The following PUM1 variants were observed in gnomAD, a reference collection of about 807,000 sequenced individuals.
PUM1 encodes pumilio homolog 1.
PUM1 carries 13 observed loss-of-function variants against 131.8 expected under a neutral mutation model. That is an observed-to-expected ratio of 0.10 (90% CI 0.06 to 0.16). The LOEUF (loss-of-function observed/expected upper bound fraction) is 0.16, where lower values mean the gene tolerates loss of function less well. Among genes scored for constraint, PUM1 ranks in the 10% least tolerant of loss-of-function variants. The probability of loss-of-function intolerance (pLI) is 1.00; values close to 1 mark genes in which losing one functional copy is unlikely to be tolerated. For missense variants in PUM1, 961 were observed against 1,512.4 expected (o/e 0.64, Z 6.05); for synonymous variants, 509 against 556.5 (o/e 0.91, Z 1.20).
At chr1:31,030,234 T>C (rs1643376645) in intron 2 of PUM1, among the ~76,000 whole-genome samples, 1 of 151,614 alleles carries the variant, frequency 6.6e-6, no homozygotes. Context: ...AAAAAAAAGA[T>C]GTAGGCTTTG....
chr1:31,014,463 G>A (rs1454113915), intron 3 of PUM1, among the ~76,000 whole-genome samples: 4 of 151,402 alleles, frequency 2.6e-5, no homozygotes, highest in Non-Finnish European at 5.9e-5. Flanking sequence ...AACATGCCAA[G>A]ACCCAATCTC....
chr1:31,048,862 T>C (rs1191915392), intron 2 of PUM1, among the ~76,000 whole-genome samples: 1 of 152,248 alleles, frequency 6.6e-6, no homozygotes, highest in East Asian at 1.9e-4. Context: ...TTTATTCCCA[T>C]AGTCACATCT....
chr1:31,005,085 T>C (rs1430564209), intron 5 of PUM1, among the ~76,000 whole-genome samples: 1 of 152,174 alleles, frequency 6.6e-6, no homozygotes, highest in Non-Finnish European at 1.5e-5. Context: ...GAATTCAAAA[T>C]GAGGAAGACT....
chr1:30,991,237 G>A (rs1641778165), intron 7 of PUM1, among the ~76,000 whole-genome samples: 1 of 152,114 alleles, frequency 6.6e-6, no homozygotes, highest in African/African-American at 2.4e-5. Context: ...ATATGGGGAG[G>A]CAGGCATACC....
At chr1:31,060,056 C>G (rs1644333197) in intron 1 of PUM1, among the ~76,000 whole-genome samples, 1 of 150,518 alleles carries the variant, frequency 6.6e-6, no homozygotes, top group African/African-American at 2.4e-5. Flanking sequence ...CCATGTTGGC[C>G]AGGCTGGTCT....
chr1:31,028,673 G>C, intron 3 of PUM1, 123 bp downstream of exon 3: 1 of 864,668 alleles, frequency 1.2e-6, no homozygotes, highest in Non-Finnish European at 1.9e-6. Context: ...CCTATCATGA[G>C]AATGGCAACA....
At chr1:31,011,978 C>T (rs569643101) in intron 3 of PUM1, among the ~76,000 whole-genome samples, 1 of 152,270 alleles carries the variant, frequency 6.6e-6, no homozygotes, top group Admixed American at 6.5e-5. Flanking sequence ...CCAGGTGACA[C>T]ATTTAAGGGC....
At chr1:30,942,338 T>C (rs1448257602) in intron 18 of PUM1, among the ~76,000 whole-genome samples, 2 of 150,940 alleles carry the variant, frequency 1.3e-5, no homozygotes, top group African/African-American at 4.9e-5. Flanking sequence ...CTTATCTATT[T>C]TAGGAATTCA....
chr1:31,014,265 C>T lies in PUM1; in HGVS notation c.433-7163G>A, dbSNP rs147785607. Among the ~76,000 whole-genome samples, 1,024 of 140,836 alleles carry T rather than the reference C, an allele frequency of 7.3e-3. 7 individuals are homozygous for T. The highest frequency in any genetic ancestry group is 0.02 in the Middle Eastern group (5 of 250). The allele number at this position is 140,836 out of a possible 152,430, so 92.4% of individuals were successfully genotyped here. On this transcript the variant is annotated intron_variant, in intron 3 of 21. Transcript: ENST00000426105. ...GCAGTGAGCCATGATTGTGCCACTGCACTCTAGCCTGGGCAACAGAGCAAG... is the reference window on the plus strand; with the variant it reads ...GCAGTGAGCCATGATTGTGCCACTGTACTCTAGCCTGGGCAACAGAGCAAG...
intron 19 of PUM1, 134 bp from the exon 20 acceptor site, chr1:30,941,406 C>T (rs1178922579): frequency 1.1e-6 from 1 of 874,540 alleles, no homozygotes; most frequent in Non-Finnish European, 1.6e-6. Context: ...AATGAACACA[C>T]AATTTTTAAG....
intron 5 of PUM1, among the ~76,000 whole-genome samples, chr1:30,998,472 T>TAA (rs5773332): frequency 6.0e-5 from 9 of 150,746 alleles, no homozygotes; most frequent in African/African-American, 2.0e-4. Flanking sequence ...ACGCCATCTC[T>TAA]AAAAAAAAAG....
intron 10 of PUM1, among the ~76,000 whole-genome samples, 194 bp downstream of exon 10, chr1:30,974,457 T>C (rs1315517146): frequency 6.6e-6 from 1 of 152,208 alleles, no homozygotes; most frequent in Non-Finnish European, 1.5e-5. Flanking sequence ...CCCACCTAGG[T>C]ACAATAGTGT....
chr1:31,054,319 CCT>C (rs1026990319), intron 2 of PUM1, among the ~76,000 whole-genome samples: 1 of 151,452 alleles, frequency 6.6e-6, no homozygotes, highest in African/African-American at 2.4e-5. Context: ...GGAGTGAAAC[CCT>C]GTCTCAATAA....
intron 9 of PUM1, among the ~76,000 whole-genome samples, chr1:30,975,164 T>C (rs935583776): frequency 6.6e-6 from 1 of 152,080 alleles, no homozygotes; most frequent in Non-Finnish European, 1.5e-5. Flanking sequence ...GTGCTTAAAG[T>C]GATGGAATAG....
In PUM1 at chr1:31,007,499, G is replaced by A. The variant is rs113201620; in HGVS notation, c.433-397C>T. 5.9e-5 allele frequency among the ~76,000 whole-genome samples: 9 copies of A among 152,258 alleles called. 1 individual carries two copies. Among genetic ancestry groups the A allele is most frequent in the Admixed American group, 3.3e-4 (5 of 15,298 alleles). On this transcript the variant is annotated intron_variant, in intron 3 of 21. Transcript: ENST00000426105. ...ACTATTAAAACACTTCTCTCTATAC[G>A]TGTACTAACTACCAGACAAAGTTAC...
chr1:30,975,517 A>ATTTTTTTTT (rs751510345), intron 9 of PUM1, among the ~76,000 whole-genome samples: 2 of 84,144 alleles, frequency 2.4e-5, no homozygotes, highest in Admixed American at 1.6e-4. Context: ...TACCTGACTA[A>ATTTTTTTTT]TTTTTTTTTT....
At chr1:31,045,399 A>G (rs555729597) in intron 2 of PUM1, among the ~76,000 whole-genome samples, 2 of 152,184 alleles carry the variant, frequency 1.3e-5, no homozygotes, top group South Asian at 4.1e-4. Flanking sequence ...CAGCCTCCCA[A>G]AGTGCTGGGA....
At chr1:30,999,228 GGCT>G (rs1441661149) in intron 5 of PUM1, among the ~76,000 whole-genome samples, 1 of 152,060 alleles carries the variant, frequency 6.6e-6, no homozygotes, top group Non-Finnish European at 1.5e-5. Flanking sequence ...TCAAACACCT[GGCT>G]TCAAGTGATC....
intron 3 of PUM1, among the ~76,000 whole-genome samples, chr1:31,018,602 G>A (rs1358166835): frequency 6.6e-6 from 1 of 152,196 alleles, no homozygotes; most frequent in Non-Finnish European, 1.5e-5. Context: ...AGGTTGCAGT[G>A]AGCCAAGATC....
Sources: allele counts gnomAD v4.1 joint callset (sites outside exome capture counted in the v4.1 genomes callset), GRCh38; gene constraint gnomAD v4.1.1; transcripts MANE v1.5; gene names NCBI Gene and HGNC (gene_info 2026-07-23, HGNC 2026-07-21).